ZNF862: variants seen among roughly 807,000 people sequenced by gnomAD.
ZNF862 encodes the protein zinc finger protein 862.
A neutral mutation model predicts 91.1 loss-of-function variants in ZNF862; 64 were observed. That is an observed-to-expected ratio of 0.70 (90% CI 0.57 to 0.87). The LOEUF is 0.87. Among genes scored for constraint, ZNF862 ranks in the 40% least tolerant of loss-of-function variants. The pLI is 0.00. For missense variants in ZNF862, 1,459 were observed against 1,528.0 expected, an observed-to-expected ratio of 0.95 and a Z score of 0.75; for synonymous variants, 631 against 618.1, an observed-to-expected ratio of 1.02 and a Z score of -0.31.
chr7:149,862,355 C>T lies in ZNF862; in HGVS notation c.3195C>T (p.Leu1065=), dbSNP rs1200120602. ...TKLSNEVLNM[L]MMTAVNGVAV... The stretch of plus-strand genomic sequence containing the variant: ...TCTCCAACGAGGTGCTCAACATGCT[C>T]ATGATGACAGCTGTGAACGGCGTGG... The change falls in exon 7 of 8, where the codon CTC becomes CTT. Residue 1065 remains leucine, a synonymous_variant. Coordinates refer to ENST00000223210, the MANE Select transcript of ZNF862 (RefSeq NM_001099220.3). 6.2e-7 allele frequency: 1 copy of T among 1,613,266 alleles called. No individual in the cohort carries two copies. The highest frequency in any genetic ancestry group is 1.1e-5 in the South Asian group (1 of 90,954).
rs1269310388 is a variant in ZNF862 at position 149,850,114 on chromosome 7, G to T, written c.940-47G>T. The T allele has an allele frequency of 6.5e-7, 1 of 1,548,732 alleles. No individual in the cohort carries two copies. Among genetic ancestry groups the T allele is most frequent in the Non-Finnish European group, 8.7e-7 (1 of 1,146,068 alleles). Reference sequence around the variant, plus strand: ...AAGGCCCCAGAAGTGTCACGTGGGAGTCTGGCTCGGCAGGCGGTGCTGAGT... The same window carrying T: ...AAGGCCCCAGAAGTGTCACGTGGGATTCTGGCTCGGCAGGCGGTGCTGAGT... On this transcript the variant is annotated intron_variant, in intron 4 of 7. Transcript: ENST00000223210. This position sits in a 1 kb window ranked among gnomAD's most constrained non-coding sequence, Gnocchi z 4.2.
chr7:149,861,584 C>T lies in ZNF862; in HGVS notation c.2424C>T (p.Ala808=). Residue 808 remains alanine, a synonymous_variant, in exon 7 of 8, where the codon GCC becomes GCT. Transcript: ENST00000223210. The surrounding 1 kb of genome is among the most constrained non-coding windows in gnomAD (Gnocchi z 6.7). ...HALLVSWPAL[A]RHLQRVAEAG... ...TGCTCGTGAGCTGGCCCGCCCTGGC[C>T]AGGCACCTCCAGAGGGTGGCAGAGG... 1 of 1,596,850 alleles carries T rather than the reference C, an allele frequency of 6.3e-7. No individual in the cohort carries two copies. The highest frequency in any genetic ancestry group is 8.5e-7 in the Non-Finnish European group (1 of 1,173,936).
chr7:149,864,427 A>G lies in ZNF862; in HGVS notation c.*143A>G. ...GAAGTGGGCAGTGGCATCCCAGAGC[A>G]GCAGGGGTATCAGGAGGTGCATGAC... On this transcript the variant is annotated 3_prime_UTR_variant, in exon 8 of 8. Coordinates refer to ENST00000223210, the MANE Select transcript of ZNF862 (RefSeq NM_001099220.3). 1.2e-6 allele frequency: 1 copy of G among 825,942 alleles called. No homozygotes were observed. The highest frequency in any genetic ancestry group is 2.7e-5 in the East Asian group (1 of 37,274). The allele number at this position is 825,942 out of a possible 1,614,324, so 51.2% of individuals were successfully genotyped here.
chr7:149,860,227 G>A (rs2128941344), intron 6 of ZNF862, 156 bp from the exon 7 acceptor site: 2 of 681,072 alleles, frequency 2.9e-6, no homozygotes, highest in East Asian at 2.7e-5. Flanking sequence ...AATGGGTGAG[G>A]GTTTAAGTGG....
chr7:149,853,182 G>C (rs1490370624), intron 5 of ZNF862, among the ~76,000 whole-genome samples: 1 of 152,100 alleles, frequency 6.6e-6, no homozygotes, highest in African/African-American at 2.4e-5. Context: ...CTCCATCTCC[G>C]GAGTATCTGG....
chr7:149,863,545 G>T (rs1802596122), intron 7 of ZNF862, among the ~76,000 whole-genome samples: 1 of 152,186 alleles, frequency 6.6e-6, no homozygotes, highest in Non-Finnish European at 1.5e-5. Context: ...AGGGAAAGCC[G>T]AGAGAGGGCT....
At position 149,850,622 on chromosome 7, in the gene ZNF862, C is replaced by A; in HGVS notation, c.1117+284C>A. On this transcript the variant is annotated intron_variant, in intron 5 of 7. Transcript: ENST00000223210. This position sits in a 1 kb window ranked among gnomAD's most constrained non-coding sequence, Gnocchi z 4.2. ...GATCCATGGTCTCTGCTTTCAAGGGCCTAGCACGTTTGTGGGAGAGACAGA... is the reference window on the plus strand; with the variant it reads ...GATCCATGGTCTCTGCTTTCAAGGGACTAGCACGTTTGTGGGAGAGACAGA... 1 of 321,144 alleles carries A rather than the reference C, an allele frequency of 3.1e-6. No homozygotes were observed. The highest frequency in any genetic ancestry group is 7.3e-5 in the South Asian group (1 of 13,620). 19.9% of individuals were successfully genotyped at this position (321,144 alleles called of 1,614,324 possible). A position where few individuals can be genotyped will look rare whatever the true frequency, so the allele number is the denominator to read the frequency against.
In ZNF862 at chr7:149,867,317, G is replaced by C. The variant is rs1167932472; in HGVS notation, c.*3033G>C. The C allele has an allele frequency of 2.0e-5, 3 of 152,156 alleles. No individual in the cohort carries two copies. The highest frequency in any genetic ancestry group is 2.1e-4 in the South Asian group (1 of 4,824). 9.4% of individuals were successfully genotyped at this position (152,156 alleles called of 1,614,324 possible). ...TAAGTACCTATCAGAACAGTGTGGA[G>C]GGGCGGGTCCCTCATACAGGTGTGT... On this transcript the variant is annotated 3_prime_UTR_variant, in exon 8 of 8. Coordinates refer to ENST00000223210, the MANE Select transcript of ZNF862 (RefSeq NM_001099220.3).
At position 149,861,866 on chromosome 7, in the gene ZNF862, C is replaced by T. The variant is rs1802518314; in HGVS notation, c.2706C>T (p.Leu902=). ...EFNASFKDGR[L]HGICLDKLEV... The stretch of plus-strand genomic sequence containing the variant: ...ACGCCAGCTTCAAGGATGGGCGGCT[C>T]CACGGCATCTGCTTGGACAAACTGG... Residue 902 remains leucine (L), a synonymous_variant, in exon 7 of 8, where the codon CTC becomes CTT. Transcript: ENST00000223210. This position sits in a 1 kb window ranked among gnomAD's most constrained non-coding sequence, Gnocchi z 6.7. The T allele has an allele frequency of 1.2e-6, 2 of 1,613,612 alleles. No homozygotes were observed. The highest frequency in any genetic ancestry group is 2.7e-5 in the African/African-American group (2 of 74,896).
rs1427122363 is a variant in ZNF862, at chr7:149,860,966, C to A, written c.1806C>A (p.Phe602Leu). The change falls in exon 7 of 8, where the codon TTC (phenylalanine) becomes TTA (leucine). Residue 602 changes from phenylalanine (F) to leucine (L), a missense_variant. Physicochemically the swap from Phe to Leu is conservative, Grantham distance 22 (BLOSUM62 0). Coordinates refer to ENST00000223210, the MANE Select transcript of ZNF862 (RefSeq NM_001099220.3). ...GCAATCGCACGGCGTGCACTCAGTT[C>A]ATCAAGTACATCTCAGAGACCCTGA... ...KYRNRTACTQ[F>L]IKYISETLKR... is the part of the protein sequence containing the mutation. 2 of 1,613,458 alleles carry A rather than the reference C, an allele frequency of 1.2e-6. No homozygotes were observed. The highest frequency in any genetic ancestry group is 4.5e-5 in the East Asian group (2 of 44,884).
At position 149,838,384 on chromosome 7, in the gene ZNF862, A is replaced by G. The variant is rs1801590524; in HGVS notation, c.-228A>G. The G allele has an allele frequency of 2.5e-6, 1 of 394,490 alleles. No homozygotes were observed. The allele number at this position is 394,490 out of a possible 1,614,324, so 24.4% of individuals were successfully genotyped here. A position where few individuals can be genotyped will look rare whatever the true frequency, so the allele number is the denominator to read the frequency against. On this transcript the variant is annotated 5_prime_UTR_variant, in exon 1 of 8. Transcript: ENST00000223210. ...CCGCCTGGGGCTGGGCAGTGACCGT[A>G]AAGCTGTTCGCTCGGTGCGACGCAA... is the stretch of plus-strand genomic sequence containing the variant.
chr7:149,860,327 A>G, intron 6 of ZNF862, 56 bp from the exon 7 acceptor site: 1 of 1,510,044 alleles, frequency 6.6e-7, no homozygotes, highest in African/African-American at 1.4e-5. Flanking sequence ...CTTAGCTGAT[A>G]GAAGATGGCA....
intron 7 of ZNF862, among the ~76,000 whole-genome samples, chr7:149,862,887 T>A (rs1802568487): frequency 6.6e-6 from 1 of 152,170 alleles, no homozygotes; most frequent in Admixed American, 6.5e-5. Flanking sequence ...ATGGTACTAG[T>A]TAAAGGTCAA....
At position 149,862,313 on chromosome 7, in the gene ZNF862, C is replaced by G. The variant is rs780302516; in HGVS notation, c.3153C>G (p.Thr1051=). 3.1e-6 allele frequency: 5 copies of G among 1,613,350 alleles called. No individual in the cohort carries two copies. In the African/African-American group the frequency reaches 6.7e-5, roughly 22 times the overall value. ...RGFKAMNRIR[T]DERTKLSNEV... ...TCAAGGCCATGAACCGAATCAGGAC[C>G]GATGAGAGGACCAAGCTCTCCAACG... is the stretch of plus-strand genomic sequence containing the variant. The change falls in exon 7 of 8, where the codon ACC becomes ACG. Residue 1051 remains threonine (T), a synonymous_variant. Transcript: ENST00000223210.
At chr7:149,857,053 G>C (rs1257861784) in intron 5 of ZNF862, among the ~76,000 whole-genome samples, 2 of 152,130 alleles carry the variant, frequency 1.3e-5, no homozygotes, top group Non-Finnish European at 2.9e-5. Context: ...TACTCTGAAA[G>C]CTTTTGAAAT....
intron 5 of ZNF862, among the ~76,000 whole-genome samples, chr7:149,854,654 C>G (rs1802194919): frequency 1.3e-5 from 2 of 152,182 alleles, no homozygotes; most frequent in Non-Finnish European, 1.5e-5. Flanking sequence ...CAGGCAGGCT[C>G]CTGTCTGGAG....
rs752751183 is a variant in ZNF862 at position 149,847,962 on chromosome 7, AC to A, written c.470del (p.Thr157ArgfsTer21). Reference sequence around the variant, plus strand: ...GTGGCTGATCATGAATGAGGAGCAGACGGCTCTGTTCTGCTCTGCTTGCCGA... The same window carrying A: ...GTGGCTGATCATGAATGAGGAGCAGAGGCTCTGTTCTGCTCTGCTTGCCGA... Reference protein sequence around the residue: ...FPWLIMNEEQTALFCSACREY... With the variant: ...FPWLIMNEEQXALFCSACREY... On this transcript the variant is annotated frameshift_variant, in exon 4 of 8. Coordinates refer to ENST00000223210, the MANE Select transcript of ZNF862 (RefSeq NM_001099220.3). LOFTEE classifies it high-confidence loss of function. 16 of 1,610,032 alleles carry A rather than the reference AC, an allele frequency of 9.9e-6. No individual in the cohort carries two copies. Among genetic ancestry groups the A allele is most frequent in the Middle Eastern group, 1.6e-4 (1 of 6,078 alleles).
chr7:149,846,339 C>T lies in ZNF862; in HGVS notation c.241+84C>T, dbSNP rs533198423. On this transcript the variant is annotated intron_variant, in intron 3 of 7. Transcript: ENST00000223210. ...CCCAGGACTCCAGGCTCATCCTCTG[C>T]CCTTCCTGTTCTCCACCAACTGACA... The T allele has an allele frequency of 3.2e-5, 34 of 1,066,184 alleles. No individual in the cohort carries two copies. The African/African-American group carries it at 4.2e-4, about 13-fold the overall frequency. The allele number at this position is 1,066,184 out of a possible 1,614,324, so 66.0% of individuals were successfully genotyped here. A position where few individuals can be genotyped will look rare whatever the true frequency, so the allele number is the denominator to read the frequency against.
intron 1 of ZNF862, among the ~76,000 whole-genome samples, chr7:149,839,169 G>A (rs1385597297): frequency 6.6e-6 from 1 of 152,184 alleles, no homozygotes; most frequent in Non-Finnish European, 1.5e-5. Context: ...ATTGGCTTTG[G>A]GCAAGAGGCT....
Sources: gnomAD v4.1 joint callset for allele counts (sites outside exome capture counted in the v4.1 genomes callset) on GRCh38, gnomAD v4.1.1 for gene constraint, Gnocchi (gnomAD v3.1) non-coding constraint, MANE v1.5 for transcripts, NCBI Gene and HGNC (gene_info 2026-07-23, HGNC 2026-07-21) for gene names.